ADCY10: variants seen among roughly 807,000 people sequenced by gnomAD.
ADCY10 encodes the protein adenylate cyclase type 10.
Under a neutral mutation model 183.3 loss-of-function variants are expected in ADCY10, and 156 were observed. The ratio of observed to expected loss-of-function variants is 0.85; its 90% CI spans 0.75 to 0.97. ADCY10 has a LOEUF of 0.97. ADCY10 is among the 50% of genes least tolerant of loss of function. The pLI, the probability that ADCY10 is intolerant of heterozygous loss-of-function variation, is 0.00. For synonymous variants in ADCY10, 645 were observed against 670.0 expected, an observed-to-expected ratio of 0.96 and a Z score of 0.58; for missense variants, 1,745 against 1,934.3, an observed-to-expected ratio of 0.90 and a Z score of 1.84.
chr1:167,908,068 C>T (rs898316886), intron 1 of ADCY10, among the ~76,000 whole-genome samples: 1 of 152,120 alleles, frequency 6.6e-6, no homozygotes, highest in Non-Finnish European at 1.5e-5. Context: ...TGGGTATATA[C>T]CCAAAGGAAT....
chr1:167,885,989 A>G (rs1180895079), intron 8 of ADCY10, among the ~76,000 whole-genome samples: 1 of 152,180 alleles, frequency 6.6e-6, no homozygotes, highest in African/African-American at 2.4e-5. Flanking sequence ...CTTCTTATAT[A>G]GGGATGTGAA....
Position 167,901,433 on chromosome 1 carries a change from T to C in ADCY10, c.436+229A>G, listed in dbSNP as rs752784283. On this transcript the variant is annotated intron_variant, in intron 5 of 32. Transcript: ENST00000367851. ...ATGCATTAACTACCATACCAACTAA[T>C]TTACTTTTTGTAATAGCTTATTAGG... Among the ~76,000 whole-genome samples the C allele has an allele frequency of 2.8e-4, 42 of 152,184 alleles. No homozygotes were observed. Among genetic ancestry groups the C allele is most frequent in the Non-Finnish European group, 4.8e-4 (33 of 68,044 alleles).
chr1:167,847,975 G>A (rs1028051131), intron 19 of ADCY10, among the ~76,000 whole-genome samples: 1 of 152,190 alleles, frequency 6.6e-6, no homozygotes, highest in African/African-American at 2.4e-5. Context: ...AACAACCAAT[G>A]TTGCTGTTTT....
intron 8 of ADCY10, among the ~76,000 whole-genome samples, chr1:167,889,263 T>G (rs1668444858): frequency 6.6e-6 from 1 of 152,188 alleles, no homozygotes; most frequent in African/African-American, 2.4e-5. Flanking sequence ...TACACAGTTT[T>G]TTGGGAATTT....
intron 23 of ADCY10, among the ~76,000 whole-genome samples, chr1:167,834,999 C>A (rs1664086996): frequency 6.6e-6 from 1 of 152,142 alleles, no homozygotes; most frequent in Non-Finnish European, 1.5e-5. Context: ...ATAAATGTTT[C>A]AAGGACAGGA....
intron 16 of ADCY10, 70 bp from the exon 17 acceptor site, chr1:167,856,509 T>G: frequency 6.8e-7 from 1 of 1,479,040 alleles, no homozygotes. Context: ...TGTATGGGTA[T>G]GCATATGTAT....
At chr1:167,908,912 T>C (rs1369416588) in intron 1 of ADCY10, among the ~76,000 whole-genome samples, 1 of 152,364 alleles carries the variant, frequency 6.6e-6, no homozygotes, top group Non-Finnish European at 1.5e-5. Flanking sequence ...AAAAAACTTT[T>C]ATTGAAGCAT....
intron 10 of ADCY10, 54 bp from the exon 11 acceptor site, chr1:167,880,245 G>C (rs558363104): frequency 6.8e-7 from 1 of 1,460,354 alleles, no homozygotes; most frequent in South Asian, 1.2e-5. Context: ...AATGAGCGTA[G>C]AGAAAGTGGG....
In ADCY10 at chr1:167,863,432, G is replaced by A. The variant is rs1335520508; in HGVS notation, c.1617-2369C>T. 2.0e-5 allele frequency among the ~76,000 whole-genome samples: 3 copies of A among 152,080 alleles called. No homozygotes were observed. The South Asian group carries it at 6.2e-4, about 31-fold the overall frequency. ...CATGCGGACCCCCTTAGAGTTGTGA[G>A]CCCTTAAAAGGGACAGAAGTTGAGC... On this transcript the variant is annotated intron_variant, in intron 14 of 32. Transcript: ENST00000367851.
At chr1:167,820,053 T>A in intron 30 of ADCY10, 1 of 1,577,826 alleles carries the variant, frequency 6.3e-7, no homozygotes, top group Non-Finnish European at 8.7e-7. Flanking sequence ...TTTCAAAGCC[T>A]CTTTCGTTAC....
chr1:167,847,397 A>C (rs1232998149), intron 19 of ADCY10, among the ~76,000 whole-genome samples: 1 of 146,762 alleles, frequency 6.8e-6, no homozygotes, highest in Admixed American at 7.0e-5. Context: ...TAAAAGAATA[A>C]TAATACATCT....
intron 21 of ADCY10, among the ~76,000 whole-genome samples, chr1:167,841,761 C>T (rs991190922): frequency 2.0e-5 from 3 of 152,170 alleles, no homozygotes; most frequent in Non-Finnish European, 4.4e-5. Flanking sequence ...GCATGAGTCA[C>T]TGCACCCAGA....
chr1:167,874,538 T>C (rs1667319846), intron 13 of ADCY10, among the ~76,000 whole-genome samples: 1 of 152,192 alleles, frequency 6.6e-6, no homozygotes, highest in Non-Finnish European at 1.5e-5. Flanking sequence ...AGTCAGAATA[T>C]AAATAAATAC....
At position 167,836,516 on chromosome 1, in the gene ADCY10, G is replaced by C; in HGVS notation, c.3102C>G (p.Ile1034Met). 1 of 1,611,448 alleles carries C rather than the reference G, an allele frequency of 6.2e-7. No individual in the cohort carries two copies. Among genetic ancestry groups the C allele is most frequent in the Non-Finnish European group, 8.5e-7 (1 of 1,177,652 alleles). ...TTAAAACGTGGTCAAAGAAATTCAAGATCTTTTCTCTTATTTCTTCAGGAC... is the reference window on the plus strand; with the variant it reads ...TTAAAACGTGGTCAAAGAAATTCAACATCTTTTCTCTTATTTCTTCAGGAC... ...NRSPEEIREKILNFFDHVLTK... is the reference protein window; with the variant it reads ...NRSPEEIREKMLNFFDHVLTK... The change falls in exon 23 of 33, where the codon ATC (isoleucine) becomes ATG (methionine). Residue 1034 changes from isoleucine to methionine, a missense_variant. Ile to Met is a conservative substitution (Grantham distance 10). Coordinates refer to ENST00000367851, the MANE Select transcript of ADCY10 (RefSeq NM_018417.6).
In ADCY10 at chr1:167,832,995, T is replaced by G; in HGVS notation, c.3585A>C (p.Pro1195=). 1 of 1,613,732 alleles carries G rather than the reference T, an allele frequency of 6.2e-7. No homozygotes were observed. The highest frequency in any genetic ancestry group is 8.5e-7 in the Non-Finnish European group (1 of 1,179,900). The part of the protein sequence containing the change: ...HYVNRQAQES[P]PPGKKRLAQL... ...CCAGCTCCTTCCCTTACCCTGGAGG[T>G]GGGCTCTCTTGGGCCTGCCGATTCA... Residue 1195 remains proline (P), a synonymous_variant, in exon 25 of 33, where the codon CCA becomes CCC. Coordinates refer to ENST00000367851, the MANE Select transcript of ADCY10 (RefSeq NM_018417.6).
intron 31 of ADCY10, among the ~76,000 whole-genome samples, chr1:167,812,923 A>T (rs1662309410): frequency 2.0e-5 from 3 of 152,194 alleles, no homozygotes; most frequent in African/African-American, 7.2e-5. Flanking sequence ...AGCAGACTTG[A>T]AGATAAGACA....
Position 167,859,056 on chromosome 1 carries a change from T to C in ADCY10, c.1896+751A>G, listed in dbSNP as rs535155081. Among the ~76,000 whole-genome samples, 12 of 152,272 alleles carry C rather than the reference T, an allele frequency of 7.9e-5. No individual in the cohort carries two copies. In the South Asian group the frequency reaches 2.3e-3, roughly 29 times the overall value. On this transcript the variant is annotated intron_variant, in intron 16 of 32. Transcript: ENST00000367851. The stretch of plus-strand genomic sequence containing the variant: ...TTTAAATGATACAGAATGGCATAAT[T>C]TGCTACTAATGAAATCAAGGATCAG...
Position 167,904,712 on chromosome 1 carries a change from A to G in ADCY10, c.148+281T>C, listed in dbSNP as rs543309810. On this transcript the variant is annotated intron_variant, in intron 2 of 32. Transcript: ENST00000367851. ...ATGTGTATGGGGCTTGGGGCTGGAG[A>G]GGATGAGTCAGTGAAGTTGGGGCAG... The G allele has an allele frequency of 3.0e-4, 181 of 606,152 alleles. 1 individual carries two copies. In the East Asian group the frequency reaches 4.9e-3, roughly 16 times the overall value. The allele number at this position is 606,152 out of a possible 1,614,324, so 37.5% of individuals were successfully genotyped here. A position where few individuals can be genotyped will look rare whatever the true frequency, so the allele number is the denominator to read the frequency against.
intron 14 of ADCY10, among the ~76,000 whole-genome samples, chr1:167,869,631 G>T (rs946269208): frequency 3.3e-5 from 5 of 152,140 alleles, no homozygotes; most frequent in African/African-American, 1.2e-4. Context: ...CACATTGTAT[G>T]GAAGGACATT....
Sources: allele counts gnomAD v4.1 joint callset (sites outside exome capture counted in the v4.1 genomes callset), GRCh38; gene constraint gnomAD v4.1.1; transcripts MANE v1.5; gene names NCBI Gene and HGNC (gene_info 2026-07-23, HGNC 2026-07-21).